Variants in HHAT observed in about 807,000 individuals in gnomAD.
HHAT encodes the protein hedgehog acyltransferase, also known as protein-cysteine N-palmitoyltransferase HHAT.
In HHAT, 47 loss-of-function variants were observed where a neutral mutation model predicts 70.8. The observed-to-expected ratio is 0.66, with a 90% confidence interval of 0.53 to 0.85. HHAT has a LOEUF of 0.85. Ranked by LOEUF, HHAT falls within the 40% of genes least tolerant of loss-of-function variation. The pLI, the probability that HHAT is intolerant of heterozygous loss-of-function variation, is 0.00. For synonymous variants in HHAT, 228 were observed against 247.6 expected (o/e 0.92, Z 0.74); for missense variants, 609 against 604.8 (o/e 1.01, Z -0.07).
intron 9 of HHAT, among the ~76,000 whole-genome samples, chr1:210,525,365 G>A (rs2095230065): frequency 6.6e-6 from 1 of 152,178 alleles, no homozygotes; most frequent in Admixed American, 6.5e-5. Flanking sequence ...TCACAGTCAT[G>A]TCAATGTCCG....
At chr1:210,408,039 G>C (rs1445812040) in intron 6 of HHAT, among the ~76,000 whole-genome samples, 2 of 152,162 alleles carry the variant, frequency 1.3e-5, no homozygotes, top group East Asian at 3.9e-4. Flanking sequence ...AGTGCTTGCT[G>C]AGTTACTTAC....
At chr1:210,553,560 G>T (rs978977064) in intron 9 of HHAT, among the ~76,000 whole-genome samples, 1 of 152,178 alleles carries the variant, frequency 6.6e-6, no homozygotes, top group Admixed American at 6.5e-5. Flanking sequence ...CTAACAATGG[G>T]GTTTCATAGC....
chr1:210,472,317 A>G (rs1374413170), intron 8 of HHAT, among the ~76,000 whole-genome samples: 1 of 152,222 alleles, frequency 6.6e-6, no homozygotes, highest in Non-Finnish European at 1.5e-5. Flanking sequence ...TCTACAGGTG[A>G]TGAAACTGAG....
intron 10 of HHAT, among the ~76,000 whole-genome samples, chr1:210,615,491 TC>T (rs1190950328): frequency 5.9e-5 from 9 of 152,348 alleles, no homozygotes; most frequent in African/African-American, 1.9e-4. Flanking sequence ...GGAGCTGCAT[TC>T]CTTTGAAGGA....
chr1:210,389,311 C>T (rs765568084), intron 4 of HHAT, among the ~76,000 whole-genome samples: 5 of 152,214 alleles, frequency 3.3e-5, no homozygotes, highest in Non-Finnish European at 5.9e-5. Context: ...TCGCGGCAAT[C>T]CTGAGGCAGT....
At chr1:210,552,273 G>A (rs977680134) in intron 9 of HHAT, among the ~76,000 whole-genome samples, 1 of 152,154 alleles carries the variant, frequency 6.6e-6, no homozygotes, top group Non-Finnish European at 1.5e-5. Flanking sequence ...ACTTTCAGAG[G>A]GCTCTGGGAG....
At chr1:210,638,574 T>C (rs1672359781) in intron 11 of HHAT, among the ~76,000 whole-genome samples, 1 of 152,104 alleles carries the variant, frequency 6.6e-6, no homozygotes, top group Non-Finnish European at 1.5e-5. Context: ...TAGGGGATAA[T>C]GAAATATTCT....
chr1:210,653,766 C>A (rs1281363125), intron 11 of HHAT, among the ~76,000 whole-genome samples: 1 of 152,032 alleles, frequency 6.6e-6, no homozygotes, highest in East Asian at 1.9e-4. Context: ...TGAAAAAAAT[C>A]TTAGTCATGC....
At chr1:210,658,189 C>T (rs1019755982) in intron 11 of HHAT, among the ~76,000 whole-genome samples, 5 of 152,262 alleles carry the variant, frequency 3.3e-5, no homozygotes, top group Admixed American at 3.3e-4. Context: ...ATGTTCCGGC[C>T]CACATGCTGT....
chr1:210,333,390 C>T (rs1302090862), intron 1 of HHAT, among the ~76,000 whole-genome samples: 1 of 152,054 alleles, frequency 6.6e-6, no homozygotes, highest in Non-Finnish European at 1.5e-5. Context: ...GGCCACTGCA[C>T]TCTAGCCTGC....
chr1:210,625,098 T>C (rs1053925823), intron 11 of HHAT, among the ~76,000 whole-genome samples: 11 of 152,228 alleles, frequency 7.2e-5, no homozygotes, highest in African/African-American at 2.7e-4. Context: ...CCTGTTCTAC[T>C]TTAATCTTGT....
At chr1:210,510,275 G>C (rs1423919188) in intron 8 of HHAT, among the ~76,000 whole-genome samples, 4 of 152,188 alleles carry the variant, frequency 2.6e-5, no homozygotes, top group African/African-American at 4.8e-5. Flanking sequence ...GAAATGGAAA[G>C]AAATGAATTG....
intron 11 of HHAT, among the ~76,000 whole-genome samples, chr1:210,653,270 C>T (rs957258771): frequency 1.3e-5 from 2 of 152,142 alleles, no homozygotes; most frequent in African/African-American, 4.8e-5. Context: ...CAGCTGGGTG[C>T]AGTGGCTCAC....
chr1:210,474,395 G>A (rs896486023), intron 8 of HHAT, among the ~76,000 whole-genome samples: 1 of 152,156 alleles, frequency 6.6e-6, no homozygotes, highest in Non-Finnish European at 1.5e-5. Context: ...GGCTCAGGTG[G>A]TCTTCCTGCC....
At chr1:210,600,537 G>T (rs1664019813) in intron 10 of HHAT, among the ~76,000 whole-genome samples, 1 of 152,078 alleles carries the variant, frequency 6.6e-6, no homozygotes. Flanking sequence ...AGTCTTCCTG[G>T]TAGCCTGCTG....
intron 9 of HHAT, among the ~76,000 whole-genome samples, chr1:210,541,194 TA>T (rs528085663): frequency 6.6e-6 from 1 of 151,902 alleles, no homozygotes; most frequent in Non-Finnish European, 1.5e-5. Flanking sequence ...TATTTTATAT[TA>T]AAAAAATAGA....
chr1:210,484,800 A>AT (rs1162301214), intron 8 of HHAT, among the ~76,000 whole-genome samples: 1 of 152,150 alleles, frequency 6.6e-6, no homozygotes, highest in East Asian at 1.9e-4. Context: ...TTATGTATTT[A>AT]TTTTTTGGTG....
intron 9 of HHAT, among the ~76,000 whole-genome samples, chr1:210,535,958 A>G (rs375140906): frequency 5.1e-4 from 77 of 152,250 alleles, no homozygotes; most frequent in African/African-American, 1.9e-3. Context: ...TAATTATTCA[A>G]CTAGCAGCCA....
upstream of HHAT, chr1:210,328,826 C>T (rs540662470): frequency 2.8e-4 from 111 of 401,742 alleles, 1 homozygote; most frequent in African/African-American, 2.0e-3. Context: ...CTGGCCCGCC[C>T]CCTGCAGCAG....
Sources: gnomAD v4.1 joint callset for allele counts (sites outside exome capture counted in the v4.1 genomes callset) on GRCh38, gnomAD v4.1.1 for gene constraint, MANE v1.5 for transcripts, NCBI Gene and HGNC (gene_info 2026-07-23, HGNC 2026-07-21) for gene names.